EGFLAM: variants seen among roughly 807,000 people sequenced by gnomAD.
EGFLAM encodes EGF like, fibronectin type III and laminin G domains, also known as pikachurin.
In EGFLAM, 79 loss-of-function variants were observed where a neutral mutation model predicts 113.1. The ratio of observed to expected loss-of-function variants is 0.70; its 90% CI spans 0.58 to 0.84. The LOEUF (loss-of-function observed/expected upper bound fraction) is 0.84, where lower values mean the gene tolerates loss of function less well. EGFLAM is among the 40% of genes least tolerant of loss of function. The probability of loss-of-function intolerance (pLI) is 0.00; values close to 1 mark genes in which losing one functional copy is unlikely to be tolerated. For synonymous variants in EGFLAM, 504 were observed against 487.6 expected (o/e 1.03, Z -0.44); for missense variants, 1,265 against 1,291.6 (o/e 0.98, Z 0.32).
At chr5:38,339,754 C>T (rs1739286599) in intron 3 of EGFLAM, among the ~76,000 whole-genome samples, 1 of 152,178 alleles carries the variant, frequency 6.6e-6, no homozygotes, top group Non-Finnish European at 1.5e-5. Flanking sequence ...TGAGCCCCTG[C>T]CCTTGCTGGT....
chr5:38,262,527 G>C lies in EGFLAM; in HGVS notation c.97+3676G>C, dbSNP rs552593554. On this transcript the variant is annotated intron_variant, in intron 1 of 21. Coordinates refer to ENST00000322350, the MANE Select transcript of EGFLAM (RefSeq NM_152403.4). ...TTTGTAGAAAAATGACTCCCTCCCA[G>C]CCCCTGGTAATCACTGATCTAACTT... 3.2e-3 allele frequency among the ~76,000 whole-genome samples: 483 copies of C among 152,160 alleles called. 2 individuals carry two copies. The highest frequency in any genetic ancestry group is 0.011 in the African/African-American group (456 of 41,504).
At chr5:38,338,895 A>G in intron 3 of EGFLAM, 114 bp downstream of exon 3, 1 of 843,888 alleles carries the variant, frequency 1.2e-6, no homozygotes, top group Non-Finnish European at 1.9e-6. Context: ...AATGCTTGTA[A>G]TAGTCCTTTA....
intron 1 of EGFLAM, among the ~76,000 whole-genome samples, chr5:38,291,643 A>G (rs989420526): frequency 5.9e-5 from 9 of 152,254 alleles, no homozygotes; most frequent in Admixed American, 5.2e-4. Flanking sequence ...GACATGACAA[A>G]GAGAATGCAA....
intron 1 of EGFLAM, among the ~76,000 whole-genome samples, chr5:38,262,021 C>T (rs1332592306): frequency 6.6e-6 from 1 of 152,208 alleles, no homozygotes; most frequent in East Asian, 1.9e-4. Context: ...CATTCCTTTT[C>T]AGACTACAAA....
Position 38,463,863 on chromosome 5 carries a change from C to T in EGFLAM, c.2907C>T (p.Asn969=), listed in dbSNP as rs755067318. 2 of 1,613,964 alleles carry T rather than the reference C, an allele frequency of 1.2e-6. No homozygotes were observed. The highest frequency in any genetic ancestry group is 2.7e-5 in the African/African-American group (2 of 74,926). ...GGMKEIALHT[N]RQYMRGLVGC... is the part of the protein sequence containing the mutation. ...TGAAGGAAATTGCTCTGCACACTAACAGGCAATATATGAGAGGGCTCGTGG... is the reference window on the plus strand; with the variant it reads ...TGAAGGAAATTGCTCTGCACACTAATAGGCAATATATGAGAGGGCTCGTGG... Residue 969 remains asparagine, a synonymous_variant, in exon 22 of 22, where the codon AAC becomes AAT. Transcript: ENST00000322350.
rs545057983 is a variant in EGFLAM, at chr5:38,395,641, A to G, written c.713-10485A>G. Among the ~76,000 whole-genome samples, 5 of 152,258 alleles carry G rather than the reference A, an allele frequency of 3.3e-5. No homozygotes were observed. In the South Asian group the frequency reaches 1.0e-3, roughly 32 times the overall value. On this transcript the variant is annotated intron_variant, in intron 6 of 21. Coordinates refer to ENST00000322350, the MANE Select transcript of EGFLAM (RefSeq NM_152403.4). ...CCACTTTAAGGAACAGAGAAGCTAC[A>G]CAGACTCAGGTGCTCACATCTTAGC...
At chr5:38,461,106 G>A (rs1743256157) in intron 20 of EGFLAM, 1 of 152,134 alleles carries the variant, frequency 6.6e-6, no homozygotes, top group African/African-American at 2.4e-5. Context: ...TGTGTATCAG[G>A]TATCATGCCC....
intron 1 of EGFLAM, among the ~76,000 whole-genome samples, chr5:38,336,683 CCAATATGACGCT>C: frequency 6.6e-6 from 1 of 151,570 alleles, no homozygotes; most frequent in South Asian, 2.1e-4. Flanking sequence ...TTTTTGAGCA[CCAATATGACGCT>C]CAAGGGAACT....
At chr5:38,420,587 T>C (rs2112170634) in intron 12 of EGFLAM, among the ~76,000 whole-genome samples, 1 of 152,296 alleles carries the variant, frequency 6.6e-6, no homozygotes, top group Non-Finnish European at 1.5e-5. Flanking sequence ...GCACTTAGAA[T>C]AGGGCTTTGC....
Position 38,431,211 on chromosome 5 carries a change from G to T in EGFLAM, c.2089G>T (p.Glu697Ter). Residue 697 changes from glutamate (E) to a stop codon, truncating the protein, a stop_gained, in exon 15 of 22, where the codon GAG becomes TAG. Coordinates refer to ENST00000322350, the MANE Select transcript of EGFLAM (RefSeq NM_152403.4). LOFTEE classifies it high-confidence loss of function. ...TCCCCTCACCCTGGGCAACTGGCAC[G>T]AGCTTCGTGTATCTCGCACAGCAAA... is the stretch of plus-strand genomic sequence containing the variant. ...EDPLTLGNWHELRVSRTAKNG... is the reference protein window; with the variant it reads ...EDPLTLGNWH 6.2e-7 allele frequency: 1 copy of T among 1,614,102 alleles called. No individual in the cohort carries two copies. The highest frequency in any genetic ancestry group is 8.5e-7 in the Non-Finnish European group (1 of 1,180,002).
chr5:38,274,753 A>G (rs1230733026), intron 1 of EGFLAM, among the ~76,000 whole-genome samples: 1 of 152,208 alleles, frequency 6.6e-6, no homozygotes, highest in Non-Finnish European at 1.5e-5. Flanking sequence ...AATAAAAAAA[A>G]TCTGAAAGTA....
At chr5:38,344,428 A>G (rs1170862633) in intron 3 of EGFLAM, among the ~76,000 whole-genome samples, 1 of 150,772 alleles carries the variant, frequency 6.6e-6, no homozygotes, top group Admixed American at 6.6e-5. Flanking sequence ...AGTTGCAGTG[A>G]GCTGGGATCG....
intron 1 of EGFLAM, among the ~76,000 whole-genome samples, chr5:38,320,619 C>T (rs1442032934): frequency 6.6e-6 from 1 of 151,998 alleles, no homozygotes; most frequent in South Asian, 2.1e-4. Flanking sequence ...TGTGCATATG[C>T]TTACGTGTGT....
chr5:38,440,457 C>T (rs981432651), intron 17 of EGFLAM, among the ~76,000 whole-genome samples: 11 of 152,134 alleles, frequency 7.2e-5, no homozygotes, highest in African/African-American at 2.4e-4. Flanking sequence ...GTTGCCATGC[C>T]GACTGCTCTA....
At chr5:38,381,938 G>A (rs1380939697) in intron 6 of EGFLAM, among the ~76,000 whole-genome samples, 2 of 152,206 alleles carry the variant, frequency 1.3e-5, no homozygotes, top group African/African-American at 4.8e-5. Flanking sequence ...GATTCCTCAA[G>A]CGTGTTCAGA....
Position 38,441,637 on chromosome 5 carries a change from C to A in EGFLAM, c.2464+3182C>A, listed in dbSNP as rs185159687. On this transcript the variant is annotated intron_variant, in intron 17 of 21. Coordinates refer to ENST00000322350, the MANE Select transcript of EGFLAM (RefSeq NM_152403.4). ...ACACACACACACGCATTCACGTACA[C>A]GAAATGGGAGGAGGCTTCTATGGTG... 1.5e-3 allele frequency among the ~76,000 whole-genome samples: 226 copies of A among 151,728 alleles called. 1 individual carries two copies. The highest frequency in any genetic ancestry group is 5.1e-3 in the African/African-American group (209 of 41,214).
At chr5:38,339,655 G>A (rs1217559379) in intron 3 of EGFLAM, among the ~76,000 whole-genome samples, 1 of 152,174 alleles carries the variant, frequency 6.6e-6, no homozygotes, top group Non-Finnish European at 1.5e-5. Flanking sequence ...TGACAAGGAT[G>A]CTGAGACTCG....
At chr5:38,310,253 G>T (rs1738393635) in intron 1 of EGFLAM, among the ~76,000 whole-genome samples, 1 of 152,294 alleles carries the variant, frequency 6.6e-6, no homozygotes, top group South Asian at 2.1e-4. Context: ...GCTTTCTTCA[G>T]ATTAGGAAAG....
chr5:38,438,604 T>C (rs1742436365), intron 17 of EGFLAM, 149 bp downstream of exon 17: 1 of 797,720 alleles, frequency 1.3e-6, no homozygotes, highest in African/African-American at 1.8e-5. Flanking sequence ...ACTTATTAGA[T>C]GATTATTTAT....
Sources: gnomAD v4.1 joint callset for allele counts (sites outside exome capture counted in the v4.1 genomes callset) on GRCh38, gnomAD v4.1.1 for gene constraint, MANE v1.5 for transcripts, NCBI Gene and HGNC (gene_info 2026-07-23, HGNC 2026-07-21) for gene names.